Variants in RPN2 observed in about 807,000 individuals in gnomAD.
The protein encoded by RPN2 is ribophorin II, also known as dolichyl-diphosphooligosaccharide--protein glycosyltransferase subunit 2.
In RPN2, 29 loss-of-function variants were observed where a neutral mutation model predicts 71.4. That is an observed-to-expected ratio of 0.41 (90% CI 0.30 to 0.55). The LOEUF (loss-of-function observed/expected upper bound fraction) is 0.55. Among genes scored for constraint, RPN2 ranks in the 20% least tolerant of loss-of-function variants. The pLI is 0.35. For synonymous variants in RPN2, 308 were observed against 305.0 expected, an observed-to-expected ratio of 1.01 and a Z score of -0.10; for missense variants, 726 against 774.1, an observed-to-expected ratio of 0.94 and a Z score of 0.74.
intron 15 of RPN2, among the ~76,000 whole-genome samples, chr20:37,235,506 A>G (rs1184172613): frequency 1.3e-5 from 2 of 152,094 alleles, no homozygotes; most frequent in East Asian, 3.9e-4. Flanking sequence ...CTCCGTTCCC[A>G]GCTCTGAGCC....
At chr20:37,238,599 C>G in intron 16 of RPN2, 2 of 733,028 alleles carry the variant, frequency 2.7e-6, no homozygotes, top group Non-Finnish European at 5.0e-6. Flanking sequence ...TGCTTTTCAA[C>G]TTGCTAGATG....
chr20:37,222,066 G>A (rs2067972149), intron 9 of RPN2, among the ~76,000 whole-genome samples: 1 of 152,230 alleles, frequency 6.6e-6, no homozygotes, highest in South Asian at 2.1e-4. Flanking sequence ...ATTCCAGTTT[G>A]TTTTCCAGTG....
chr20:37,213,619 G>A (rs1600802223), intron 8 of RPN2, 141 bp from the exon 9 acceptor site: 3 of 705,102 alleles, frequency 4.3e-6, no homozygotes, highest in Non-Finnish European at 7.8e-6. Context: ...GCACGAGATT[G>A]CCCAAGTGGG....
At chr20:37,217,290 T>C (rs999721074) in intron 9 of RPN2, among the ~76,000 whole-genome samples, 5 of 150,658 alleles carry the variant, frequency 3.3e-5, no homozygotes, top group Admixed American at 3.3e-4. Flanking sequence ...ATTATTATTA[T>C]TATTATTATT....
At chr20:37,179,478 C>A in intron 1 of RPN2, 109 bp downstream of exon 1, 1 of 1,424,876 alleles carries the variant, frequency 7.0e-7, no homozygotes, top group South Asian at 1.5e-5. Context: ...GGGACAGGGG[C>A]ATGGGCACAA....
intron 13 of RPN2, among the ~76,000 whole-genome samples, chr20:37,231,526 T>A (rs2068245928): frequency 6.6e-6 from 1 of 151,870 alleles, no homozygotes; most frequent in African/African-American, 2.4e-5. Flanking sequence ...GAGTTGGAGA[T>A]CTAGTGAGAC....
At chr20:37,237,218 C>G (rs1395589387) in intron 16 of RPN2, among the ~76,000 whole-genome samples, 2 of 152,196 alleles carry the variant, frequency 1.3e-5, no homozygotes, top group African/African-American at 4.8e-5. Flanking sequence ...CCTACACCAT[C>G]TCCCCGGGAC....
chr20:37,206,672 A>G (rs1367894420), intron 6 of RPN2, among the ~76,000 whole-genome samples: 2 of 152,122 alleles, frequency 1.3e-5, no homozygotes, highest in Non-Finnish European at 2.9e-5. Flanking sequence ...ATATCTCAGT[A>G]GTTATCTGGA....
chr20:37,190,187 G>A (rs1035610712), intron 2 of RPN2, among the ~76,000 whole-genome samples: 22 of 152,146 alleles, frequency 1.4e-4, no homozygotes, highest in African/African-American at 4.1e-4. Flanking sequence ...GATCTGTGTC[G>A]TGATTTGGAG....
At chr20:37,229,190 TTAAC>T (rs1206690573) in intron 12 of RPN2, among the ~76,000 whole-genome samples, 2 of 152,362 alleles carry the variant, frequency 1.3e-5, no homozygotes, top group East Asian at 1.9e-4. Flanking sequence ...AAAATGCTAA[TTAAC>T]TAATAACCAA....
intron 1 of RPN2, among the ~76,000 whole-genome samples, chr20:37,183,203 C>T (rs891094125): frequency 6.7e-6 from 1 of 149,010 alleles, no homozygotes; most frequent in African/African-American, 2.5e-5. Flanking sequence ...TGTTATGTGC[C>T]AGTCATTATT....
In RPN2 at chr20:37,207,440, T is replaced by C. The variant is rs970031125; in HGVS notation, c.858T>C (p.Ala286=). The change falls in exon 7 of 17, where the codon GCT becomes GCC. Residue 286 remains alanine (A), a synonymous_variant. Coordinates refer to ENST00000237530, the MANE Select transcript of RPN2 (RefSeq NM_002951.5). The part of the protein sequence containing the change: ...EGSASDTHEQ[A]ILRLQVTNVL... Reference sequence around the variant, plus strand: ...CTGCTTCCGACACTCATGAACAGGCTATCTTGCGGGTAAGACATCCATGCC... The same window carrying C: ...CTGCTTCCGACACTCATGAACAGGCCATCTTGCGGGTAAGACATCCATGCC... The C allele has an allele frequency of 2.5e-6, 4 of 1,614,018 alleles. No individual in the cohort carries two copies. The highest frequency in any genetic ancestry group is 1.7e-5 in the Admixed American group (1 of 60,010).
intron 15 of RPN2, 53 bp from the exon 16 acceptor site, chr20:37,236,527 C>T (rs765273082): frequency 6.2e-6 from 10 of 1,605,238 alleles, no homozygotes; most frequent in South Asian, 4.4e-5. Context: ...TCCTCAACCG[C>T]AGGGCATCAT....
intron 16 of RPN2, among the ~76,000 whole-genome samples, chr20:37,239,998 A>G (rs111650262): frequency 0.023 from 3,453 of 152,230 alleles, 54 homozygotes; most frequent in Middle Eastern, 0.034. Context: ...GGCTCAAGCA[A>G]TCCTCCTGCT....
intron 4 of RPN2, 36 bp from the exon 5 acceptor site, chr20:37,203,849 T>TGGGGA: frequency 6.9e-7 from 1 of 1,458,296 alleles, no homozygotes; most frequent in Non-Finnish European, 9.6e-7. Context: ...GAAACAAGAC[T>TGGGGA]TGCCATTCAT....
chr20:37,240,857 A>T (rs1429085398), intron 16 of RPN2, among the ~76,000 whole-genome samples: 1 of 152,192 alleles, frequency 6.6e-6, no homozygotes, highest in East Asian at 1.9e-4. Flanking sequence ...AATGGTCAGG[A>T]TGTCATGTTC....
Position 37,199,211 on chromosome 20 carries a change from G to T in RPN2, c.465G>T (p.Glu155Asp). Residue 155 changes from glutamate (E) to aspartate (D), a missense_variant, in exon 4 of 17, where the codon GAG becomes GAT. Physicochemically the swap from Glu to Asp is conservative, Grantham distance 45. Coordinates refer to ENST00000237530, the MANE Select transcript of RPN2 (RefSeq NM_002951.5). ...LSALTARLSK[E>D]ETVLATVQAL... is the part of the protein sequence containing the mutation. ...CCCTTACTGCTCGTCTCAGCAAGGA[G>T]GAGACTGTGCTGGCGTGAGTTGTCA... 1 of 1,613,992 alleles carries T rather than the reference G, an allele frequency of 6.2e-7. No homozygotes were observed. The highest frequency in any genetic ancestry group is 8.5e-7 in the Non-Finnish European group (1 of 1,180,038).
At position 37,206,795 on chromosome 20, in the gene RPN2, A is replaced by G. The variant is rs2067520208; in HGVS notation, c.691-478A>G. Among the ~76,000 whole-genome samples the G allele has an allele frequency of 4.6e-5, 7 of 151,756 alleles. No homozygotes were observed. In the South Asian group the frequency reaches 1.0e-3, roughly 23 times the overall value. On this transcript the variant is annotated intron_variant, in intron 6 of 16. Coordinates refer to ENST00000237530, the MANE Select transcript of RPN2 (RefSeq NM_002951.5). ...GCGATCTTGGCTCACTGCAACCTCC[A>G]CCTCCTGGGTTCAAGCAATTCTCGT...
chr20:37,240,270 A>G (rs1474020254), intron 16 of RPN2, among the ~76,000 whole-genome samples: 2 of 152,374 alleles, frequency 1.3e-5, no homozygotes, highest in East Asian at 1.9e-4. Context: ...GTTGTGGGCC[A>G]CTACCCTTCG....
Sources: gnomAD v4.1 joint callset for allele counts (sites outside exome capture counted in the v4.1 genomes callset) on GRCh38, gnomAD v4.1.1 for gene constraint, MANE v1.5 for transcripts, NCBI Gene and HGNC (gene_info 2026-07-23, HGNC 2026-07-21) for gene names.